ANKFN1: variants seen among roughly 807,000 people sequenced by gnomAD.
ANKFN1 encodes the protein ankyrin repeat and fibronectin type-III domain-containing protein 1.
In ANKFN1, 74 loss-of-function variants were observed where a neutral mutation model predicts 108.7. The observed-to-expected ratio is 0.68, with a 90% CI of 0.56 to 0.83. The LOEUF is 0.83. Ranked by LOEUF, ANKFN1 falls within the 40% of genes least tolerant of loss-of-function variation. The pLI is 0.00. For missense variants in ANKFN1, 1,505 were observed against 1,382.3 expected, an observed-to-expected ratio of 1.09 and a Z score of -1.41; for synonymous variants, 547 against 516.2, an observed-to-expected ratio of 1.06 and a Z score of -0.81.
chr17:56,352,542 G>A (rs1598444563), intron 5 of ANKFN1, among the ~76,000 whole-genome samples: 2 of 152,292 alleles, frequency 1.3e-5, no homozygotes, highest in African/African-American at 4.8e-5. Flanking sequence ...CATGTGCTAA[G>A]AAATATGTAC....
At chr17:56,431,817 C>T (rs1480179135) in intron 8 of ANKFN1, among the ~76,000 whole-genome samples, 4 of 152,232 alleles carry the variant, frequency 2.6e-5, no homozygotes, top group African/African-American at 9.6e-5. Flanking sequence ...CCCAACAGGA[C>T]TCAGAAAGCT....
chr17:56,209,653 G>A (rs1914815253), intron 1 of ANKFN1, among the ~76,000 whole-genome samples: 1 of 152,046 alleles, frequency 6.6e-6, no homozygotes, highest in Non-Finnish European at 1.5e-5. Flanking sequence ...AAGCTGTATT[G>A]TTTTTAGGAG....
intron 4 of ANKFN1, among the ~76,000 whole-genome samples, chr17:56,057,958 TG>T (rs1465720449): frequency 6.6e-6 from 1 of 152,216 alleles, no homozygotes; most frequent in Middle Eastern, 3.2e-3. Flanking sequence ...AGTAATATTT[TG>T]AAATAAATCT....
chr17:56,458,755 G>A (rs1265959446), intron 14 of ANKFN1, among the ~76,000 whole-genome samples: 2 of 152,064 alleles, frequency 1.3e-5, no homozygotes, highest in African/African-American at 2.4e-5. Context: ...TATCAGTAAC[G>A]GGTATCTACC....
At chr17:56,368,092 C>A in intron 6 of ANKFN1, 1 of 1,028,098 alleles carries the variant, frequency 9.7e-7, no homozygotes, top group Non-Finnish European at 1.3e-6. Flanking sequence ...AGTAGTTACA[C>A]TTCTGTAACA....
At chr17:56,455,639 G>A (rs1384120059) in intron 11 of ANKFN1, among the ~76,000 whole-genome samples, 1 of 152,148 alleles carries the variant, frequency 6.6e-6, no homozygotes, top group African/African-American at 2.4e-5. Flanking sequence ...TAGAATATGA[G>A]AGTTAAAATC....
intron 3 of ANKFN1, among the ~76,000 whole-genome samples, chr17:56,315,664 C>A (rs529562753): frequency 6.6e-6 from 1 of 152,194 alleles, no homozygotes; most frequent in African/African-American, 2.4e-5. Context: ...TTGGCATATG[C>A]AGTCCTTGAG....
chr17:56,484,912 C>T (rs978522107), intron 18 of ANKFN1, among the ~76,000 whole-genome samples: 13 of 152,128 alleles, frequency 8.5e-5, no homozygotes, highest in African/African-American at 2.7e-4. Context: ...TTATAATATA[C>T]GTGACTCCTA....
intron 8 of ANKFN1, among the ~76,000 whole-genome samples, chr17:56,426,837 A>T (rs1241298610): frequency 6.6e-6 from 1 of 152,242 alleles, no homozygotes; most frequent in Non-Finnish European, 1.5e-5. Context: ...ATGTCTCAAC[A>T]TCAGCCAGTC....
At chr17:56,379,230 C>G (rs1055495656) in intron 8 of ANKFN1, among the ~76,000 whole-genome samples, 6 of 152,168 alleles carry the variant, frequency 3.9e-5, no homozygotes, top group Middle Eastern at 3.4e-3. Flanking sequence ...AACCCCGTCT[C>G]TACTAAAAAA....
At chr17:56,217,833 A>G (rs1915534033) in intron 2 of ANKFN1, among the ~76,000 whole-genome samples, 1 of 152,164 alleles carries the variant, frequency 6.6e-6, no homozygotes, top group African/African-American at 2.4e-5. Context: ...TGGGTATAGA[A>G]CTTTTAAATG....
chr17:56,491,371 T>C (rs1036034565), intron 18 of ANKFN1, among the ~76,000 whole-genome samples: 4 of 152,140 alleles, frequency 2.6e-5, no homozygotes, highest in African/African-American at 9.7e-5. Flanking sequence ...TTCCTCATCC[T>C]ACTAGAATCC....
intron 1 of ANKFN1, among the ~76,000 whole-genome samples, chr17:56,211,288 G>C (rs1393073581): frequency 6.6e-6 from 1 of 152,134 alleles, no homozygotes; most frequent in Non-Finnish European, 1.5e-5. Flanking sequence ...TATAGGGTGA[G>C]AGATGAGGAT....
At chr17:56,128,259 C>T (rs1907056931) in intron 4 of ANKFN1, among the ~76,000 whole-genome samples, 1 of 150,140 alleles carries the variant, frequency 6.7e-6, no homozygotes, top group Non-Finnish European at 1.5e-5. Flanking sequence ...CTGGGAGGTG[C>T]TCAGTGATTA....
chr17:56,468,079 T>G (rs1040148765), intron 15 of ANKFN1, among the ~76,000 whole-genome samples: 1 of 152,312 alleles, frequency 6.6e-6, no homozygotes, highest in South Asian at 2.1e-4. Context: ...TCCACAAAAC[T>G]TGATTTTGTC....
intron 4 of ANKFN1, among the ~76,000 whole-genome samples, chr17:56,068,947 T>C (rs1331804510): frequency 6.6e-6 from 1 of 152,194 alleles, no homozygotes; most frequent in Non-Finnish European, 1.5e-5. Context: ...GAATGGGAAT[T>C]TCTCAATGAA....
intron 15 of ANKFN1, among the ~76,000 whole-genome samples, chr17:56,467,676 T>TAA (rs531411625): frequency 0.059 from 4,373 of 74,134 alleles, 193 homozygotes; most frequent in Middle Eastern, 0.09. Flanking sequence ...GAATCCATCT[T>TAA]AAAAAAAAAA....
chr17:56,184,630 G>A lies in ANKFN1; in HGVS notation c.-70-27968G>A, dbSNP rs79926685. 3.3e-4 allele frequency: 50 copies of A among 152,232 alleles called. 1 individual carries two copies. The East Asian group carries it at 9.3e-3, about 28-fold the overall frequency. 9.4% of individuals were successfully genotyped at this position (152,232 alleles called of 1,614,324 possible). ...TCAAAACCACTTAATTATATTTGTTGCTGTAATTCCTCAAGGCATATACAC... is the reference window on the plus strand; with the variant it reads ...TCAAAACCACTTAATTATATTTGTTACTGTAATTCCTCAAGGCATATACAC... On this transcript the variant is annotated intron_variant, in intron 1 of 20. Transcript: ENST00000682825.
chr17:56,372,592 G>A, intron 6 of ANKFN1, 54 bp from the exon 7 acceptor site: 1 of 1,375,690 alleles, frequency 7.3e-7, no homozygotes, highest in Non-Finnish European at 1.0e-6. Flanking sequence ...TCCTTCCAAT[G>A]AAGCAGCATT....
Sources: gnomAD v4.1 joint callset for allele counts (sites outside exome capture counted in the v4.1 genomes callset) on GRCh38, gnomAD v4.1.1 for gene constraint, MANE v1.5 for transcripts, NCBI Gene and HGNC (gene_info 2026-07-23, HGNC 2026-07-21) for gene names.